PSMD12: variants seen among roughly 807,000 people sequenced by gnomAD.
The protein encoded by PSMD12 is 26S proteasome non-ATPase regulatory subunit 12.
In PSMD12, 8 loss-of-function variants were observed where a neutral mutation model predicts 62.9. The ratio of observed to expected loss-of-function variants is 0.13; its 90% CI spans 0.07 to 0.23. The LOEUF (loss-of-function observed/expected upper bound fraction) is 0.23. PSMD12 is among the 10% of genes least tolerant of loss of function. PSMD12 has a pLI of 1.00. For synonymous variants in PSMD12, 173 were observed against 187.4 expected (o/e 0.92, Z 0.63); for missense variants, 424 against 550.2 (o/e 0.77, Z 2.29).
At chr17:67,351,808 A>T (rs1429310229) in intron 3 of PSMD12, among the ~76,000 whole-genome samples, 1 of 151,144 alleles carries the variant, frequency 6.6e-6, no homozygotes, top group African/African-American at 2.4e-5. Flanking sequence ...TTAATTAAAA[A>T]CATTTTTTTG....
intron 4 of PSMD12, among the ~76,000 whole-genome samples, chr17:67,348,879 C>T (rs1037127517): frequency 6.6e-6 from 1 of 152,058 alleles, no homozygotes; most frequent in African/African-American, 2.4e-5. Flanking sequence ...ACCTTTAGTC[C>T]CAGCTACTTG....
chr17:67,344,813 C>A, intron 8 of PSMD12, 33 bp from the exon 9 acceptor site: 1 of 1,459,706 alleles, frequency 6.9e-7, no homozygotes, highest in South Asian at 1.5e-5. Flanking sequence ...TATTCCAAAT[C>A]TGTAAAAATT....
intron 1 of PSMD12, 41 bp from the exon 2 acceptor site, chr17:67,357,619 A>C (rs761669042): frequency 1.3e-6 from 2 of 1,565,056 alleles, no homozygotes; most frequent in Non-Finnish European, 1.8e-6. Flanking sequence ...AAAACACACA[A>C]AATGCAAATA....
chr17:67,365,104 A>AC (rs1233032400), intron 1 of PSMD12, among the ~76,000 whole-genome samples: 1 of 151,804 alleles, frequency 6.6e-6, no homozygotes, highest in Non-Finnish European at 1.5e-5. Context: ...GAATCGTTTG[A>AC]ACCCGGGAGG....
chr17:67,361,807 T>TA (rs2042130376), intron 1 of PSMD12, among the ~76,000 whole-genome samples: 1 of 144,336 alleles, frequency 6.9e-6, no homozygotes, highest in South Asian at 2.2e-4. Flanking sequence ...TGTTGTGCAC[T>TA]ACCAGCTACT....
intron 10 of PSMD12, 31 bp from the exon 11 acceptor site, chr17:67,341,083 A>G: frequency 6.8e-7 from 1 of 1,477,812 alleles, no homozygotes; most frequent in Non-Finnish European, 9.1e-7. Flanking sequence ...TTGGATTAAG[A>G]CAGGATAAAT....
chr17:67,354,146 A>C (rs187041054), intron 3 of PSMD12, among the ~76,000 whole-genome samples: 6 of 152,386 alleles, frequency 3.9e-5, no homozygotes, highest in African/African-American at 1.4e-4. Flanking sequence ...ACGGTGGCTC[A>C]TGCCTGTAAT....
intron 1 of PSMD12, among the ~76,000 whole-genome samples, chr17:67,359,374 A>T (rs2042108709): frequency 6.6e-6 from 1 of 152,198 alleles, no homozygotes; most frequent in African/African-American, 2.4e-5. Context: ...AATTTTTAAA[A>T]TGCATTTATT....
intron 1 of PSMD12, among the ~76,000 whole-genome samples, chr17:67,358,592 GA>G (rs899513194): frequency 3.2e-5 from 4 of 125,134 alleles, no homozygotes; most frequent in African/African-American, 8.8e-5. Flanking sequence ...AAAAAGAAAA[GA>G]AAAAAAAGAA....
chr17:67,357,226 G>T, intron 3 of PSMD12, 77 bp downstream of exon 3: 1 of 1,479,620 alleles, frequency 6.8e-7, no homozygotes. Flanking sequence ...ATTTTAAACA[G>T]ACTTATAGAA....
intron 1 of PSMD12, among the ~76,000 whole-genome samples, chr17:67,361,891 A>T (rs2042131996): frequency 7.5e-6 from 1 of 132,794 alleles, no homozygotes; most frequent in Non-Finnish European, 1.7e-5. Flanking sequence ...AAAAAAAAAA[A>T]AAAAAAAAAA....
rs1430041179 is a variant in PSMD12, at chr17:67,345,835, T to C, written c.818A>G (p.Tyr273Cys). The change falls in exon 8 of 11, where the codon TAT (tyrosine) becomes TGT (cysteine). Residue 273 changes from tyrosine to cysteine, a missense_variant. Transcript: ENST00000356126. Reference protein sequence around the residue: ...WQQALKSVVLYVILAPFDNEQ... With the variant: ...WQQALKSVVLCVILAPFDNEQ... The stretch of plus-strand genomic sequence containing the variant: ...ATTGTCAAAAGGAGCCAGGATAACA[T>C]AGAGTACAACACTCTTCAGAGCCTA... The C allele has an allele frequency of 6.2e-7, 1 of 1,613,344 alleles. No individual in the cohort carries two copies. The highest frequency in any genetic ancestry group is 1.1e-5 in the South Asian group (1 of 91,064).
At chr17:67,350,372 TTCC>T (rs1287399990) in intron 3 of PSMD12, 36 bp from the exon 4 acceptor site, 1 of 1,451,512 alleles carries the variant, frequency 6.9e-7, no homozygotes, top group Non-Finnish European at 9.5e-7. Context: ...GTAAAATACA[TTCC>T]TCACAGAGCG....
At chr17:67,353,836 C>T (rs2143712672) in intron 3 of PSMD12, among the ~76,000 whole-genome samples, 1 of 152,316 alleles carries the variant, frequency 6.6e-6, no homozygotes, top group East Asian at 1.9e-4. Flanking sequence ...AAATTCCTCT[C>T]TCTCCAAGAA....
At chr17:67,357,125 A>C in intron 3 of PSMD12, 178 bp downstream of exon 3, 1 of 626,574 alleles carries the variant, frequency 1.6e-6, no homozygotes, top group East Asian at 3.0e-5. Flanking sequence ...TATAAAGACT[A>C]GAAGAAAAAA....
chr17:67,346,255 C>T (rs866193611), intron 7 of PSMD12, among the ~76,000 whole-genome samples: 13 of 151,868 alleles, frequency 8.6e-5, no homozygotes, highest in Admixed American at 6.6e-5. Flanking sequence ...ATTGGCCGGG[C>T]GTGGGGGCGG....
At chr17:67,366,184 G>C (rs1320126503) in intron 1 of PSMD12, among the ~76,000 whole-genome samples, 1 of 152,222 alleles carries the variant, frequency 6.6e-6, no homozygotes, top group Non-Finnish European at 1.5e-5. Flanking sequence ...GTCCCACGGA[G>C]GGAAGTGACC....
At position 67,347,329 on chromosome 17, in the gene PSMD12, T is replaced by G. The variant is rs750707654; in HGVS notation, c.660+7A>C. On this transcript the variant is annotated splice_region_variant and intron_variant, in intron 6 of 10. Coordinates refer to ENST00000356126, the MANE Select transcript of PSMD12 (RefSeq NM_002816.5). ...TAAAGTAAACATGTGGTCACAGATA[T>G]GCTCACCTCTGTATTTTCTTCCTGG... 2.5e-6 allele frequency: 4 copies of G among 1,613,568 alleles called. No homozygotes were observed. The highest frequency in any genetic ancestry group is 3.4e-6 in the Non-Finnish European group (4 of 1,179,774).
At chr17:67,363,714 T>C (rs1051189165) in intron 1 of PSMD12, among the ~76,000 whole-genome samples, 5 of 152,194 alleles carry the variant, frequency 3.3e-5, no homozygotes, top group Non-Finnish European at 5.9e-5. Context: ...TGTTAATTTT[T>C]TTTTATGTTT....
Sources: allele counts gnomAD v4.1 joint callset (sites outside exome capture counted in the v4.1 genomes callset), GRCh38; gene constraint gnomAD v4.1.1; transcripts MANE v1.5; gene names NCBI Gene and HGNC (gene_info 2026-07-23, HGNC 2026-07-21).